ADGRL3: variants seen among roughly 807,000 people sequenced by gnomAD.
The protein encoded by ADGRL3 is calcium-independent alpha-latrotoxin receptor 3.
Under a neutral mutation model 153.5 loss-of-function variants are expected in ADGRL3, and 62 were observed. The ratio of observed to expected loss-of-function variants is 0.40; its 90% confidence interval spans 0.33 to 0.50. The LOEUF (loss-of-function observed/expected upper bound fraction) is 0.50, where lower values mean the gene tolerates loss of function less well. ADGRL3 is among the 20% of genes least tolerant of loss of function. The probability of loss-of-function intolerance (pLI) is 0.47; values close to 1 mark genes in which losing one functional copy is unlikely to be tolerated. For synonymous variants in ADGRL3, 710 were observed against 672.5 expected, an observed-to-expected ratio of 1.06 and a Z score of -0.86; for missense variants, 1,641 against 1,859.4, an observed-to-expected ratio of 0.88 and a Z score of 2.16.
At chr4:61,241,639 C>T (rs765770417) in intron 1 of ADGRL3, among the ~76,000 whole-genome samples, 1 of 151,906 alleles carries the variant, frequency 6.6e-6, no homozygotes, top group Non-Finnish European at 1.5e-5. Context: ...ACGTATATCC[C>T]TTTTTAATCT....
intron 6 of ADGRL3, among the ~76,000 whole-genome samples, chr4:61,715,110 C>A (rs2096080410): frequency 6.6e-6 from 1 of 152,070 alleles, no homozygotes; most frequent in African/African-American, 2.4e-5. Flanking sequence ...ATATTATCTA[C>A]CTTCTTAAAG....
rs35245648 is a variant in ADGRL3 at position 61,537,171 on chromosome 4, AT to A, written c.259+19666del. The stretch of plus-strand genomic sequence containing the variant: ...GACAGATTTGAAATTCTTGCCTTGC[AT>A]TTTTTTTTTTTTAATTTAGGTAGTC... On this transcript the variant is annotated intron_variant, in intron 4 of 26. Coordinates refer to ENST00000683033, the MANE Select transcript of ADGRL3 (RefSeq NM_001387552.1). 9.0e-3 allele frequency among the ~76,000 whole-genome samples: 1,324 copies of A among 146,566 alleles called. 9 individuals carry two copies. Among genetic ancestry groups the A allele is most frequent in the African/African-American group, 0.013 (532 of 40,062 alleles).
At chr4:61,882,787 A>G (rs977483330) in intron 9 of ADGRL3, among the ~76,000 whole-genome samples, 5 of 152,294 alleles carry the variant, frequency 3.3e-5, no homozygotes, top group Admixed American at 3.3e-4. Flanking sequence ...TGTCATCTTA[A>G]CAGTCAGGCT....
chr4:61,291,175 T>TACACACACAC (rs68037459), intron 1 of ADGRL3, among the ~76,000 whole-genome samples: 8 of 135,360 alleles, frequency 5.9e-5, no homozygotes, highest in African/African-American at 8.7e-5. Flanking sequence ...CCTGGATCAA[T>TACACACACAC]ACACACACAC....
chr4:61,777,817 T>A (rs545776238), intron 8 of ADGRL3, among the ~76,000 whole-genome samples: 2 of 152,316 alleles, frequency 1.3e-5, no homozygotes, highest in East Asian at 3.9e-4. Context: ...AAGTTTTGAG[T>A]ATCGCTAGGG....
At chr4:61,499,850 T>G (rs557732234) in intron 3 of ADGRL3, among the ~76,000 whole-genome samples, 3 of 152,278 alleles carry the variant, frequency 2.0e-5, no homozygotes, top group Admixed American at 6.5e-5. Context: ...GAAAGATTCC[T>G]TTTTCAGAAC....
At chr4:61,508,566 T>C (rs1274827845) in intron 3 of ADGRL3, among the ~76,000 whole-genome samples, 4 of 152,216 alleles carry the variant, frequency 2.6e-5, no homozygotes, top group Admixed American at 2.0e-4. Flanking sequence ...CCTCATGTCA[T>C]CTGTTAAGTT....
chr4:61,758,130 A>C (rs1234035242), intron 8 of ADGRL3, among the ~76,000 whole-genome samples: 1 of 152,176 alleles, frequency 6.6e-6, no homozygotes, highest in Non-Finnish European at 1.5e-5. Context: ...GTAGATGTCT[A>C]TTAGGTGCAG....
chr4:61,934,833 C>T lies in ADGRL3; in HGVS notation c.2113-7C>T, dbSNP rs1395731788. The T allele has an allele frequency of 2.5e-6, 4 of 1,611,780 alleles. No individual in the cohort carries two copies. Among genetic ancestry groups the T allele is most frequent in the African/African-American group, 1.3e-5 (1 of 74,872 alleles). On this transcript the variant is annotated splice_region_variant and splice_polypyrimidine_tract_variant and intron_variant, in intron 13 of 26. Transcript: ENST00000683033. Reference sequence around the variant, plus strand: ...AGACCTCTGTCATTCTTTTCATCCTCTTGTAGGCAATGGTCGAGACAGTTA... The same window carrying T: ...AGACCTCTGTCATTCTTTTCATCCTTTTGTAGGCAATGGTCGAGACAGTTA...
At chr4:61,827,858 G>C (rs73203790) in intron 9 of ADGRL3, among the ~76,000 whole-genome samples, 1 of 151,970 alleles carries the variant, frequency 6.6e-6, no homozygotes, top group Non-Finnish European at 1.5e-5. Context: ...TACATGTAGC[G>C]TGAAACATGA....
chr4:61,746,056 T>A (rs2096655601), intron 8 of ADGRL3, among the ~76,000 whole-genome samples: 1 of 152,094 alleles, frequency 6.6e-6, no homozygotes, highest in African/African-American at 2.4e-5. Context: ...GGGGTTGCAA[T>A]CCTAGTCTCT....
chr4:61,510,897 A>G (rs1459408535), intron 3 of ADGRL3, among the ~76,000 whole-genome samples: 1 of 152,094 alleles, frequency 6.6e-6, no homozygotes, highest in African/African-American at 2.4e-5. Flanking sequence ...ATCCACGTGT[A>G]TGGAATGTTT....
rs113009999 is a variant in ADGRL3, at chr4:61,408,414, C to CT, written c.-174+25238dup. Among the ~76,000 whole-genome samples the CT allele has an allele frequency of 3.8e-3, 548 of 142,370 alleles. 1 individual carries two copies. Among genetic ancestry groups the CT allele is most frequent in the African/African-American group, 0.011 (431 of 39,240 alleles). The allele number at this position is 142,370 out of a possible 152,430, so 93.4% of individuals were successfully genotyped here. A position where few individuals can be genotyped will look rare whatever the true frequency, so the allele number is the denominator to read the frequency against. On this transcript the variant is annotated intron_variant, in intron 2 of 26. Transcript: ENST00000683033. The stretch of plus-strand genomic sequence containing the variant: ...GCCCATGGGGGTATTAGCTGCTGTC[C>CT]TTTTTTTTTTTTTCCTGCTCTGCTC...
Position 61,611,084 on chromosome 4 carries a change from C to T in ADGRL3, c.473+23644C>T, listed in dbSNP as rs2091281761. Reference sequence around the variant, plus strand: ...ACCCTAAAATTTCGGTTGCTTAACACATAGAAATTTATTGTTTGTCCATAT... The same window carrying T: ...ACCCTAAAATTTCGGTTGCTTAACATATAGAAATTTATTGTTTGTCCATAT... On this transcript the variant is annotated intron_variant, in intron 5 of 26. Coordinates refer to ENST00000683033, the MANE Select transcript of ADGRL3 (RefSeq NM_001387552.1). 2.0e-5 allele frequency among the ~76,000 whole-genome samples: 3 copies of T among 152,214 alleles called. No homozygotes were observed. The South Asian group carries it at 6.2e-4, about 32-fold the overall frequency.
chr4:61,501,961 A>G (rs924016234), intron 3 of ADGRL3, among the ~76,000 whole-genome samples: 1 of 152,142 alleles, frequency 6.6e-6, no homozygotes, highest in Non-Finnish European at 1.5e-5. Flanking sequence ...CTGTAGAGCC[A>G]TAATATCCTT....
At chr4:61,591,719 A>G (rs2098970132) in intron 5 of ADGRL3, among the ~76,000 whole-genome samples, 2 of 151,952 alleles carry the variant, frequency 1.3e-5, no homozygotes, top group African/African-American at 2.4e-5. Flanking sequence ...GGAGCGATCT[A>G]AGTTTTGTTT....
chr4:61,220,228 T>C (rs1051689334), intron 1 of ADGRL3, among the ~76,000 whole-genome samples: 4 of 152,192 alleles, frequency 2.6e-5, no homozygotes, highest in Non-Finnish European at 5.9e-5. Context: ...TTTGATTTTT[T>C]TCGAAGGTAG....
At chr4:61,767,196 G>A (rs1157838137) in intron 8 of ADGRL3, among the ~76,000 whole-genome samples, 2 of 152,042 alleles carry the variant, frequency 1.3e-5, no homozygotes, top group African/African-American at 2.4e-5. Context: ...GGATTGGGAA[G>A]AAGAGCAGCA....
intron 5 of ADGRL3, among the ~76,000 whole-genome samples, chr4:61,627,488 G>A (rs1241565523): frequency 1.3e-5 from 2 of 152,100 alleles, no homozygotes; most frequent in Non-Finnish European, 2.9e-5. Flanking sequence ...GGGCATGGTG[G>A]CGGGTGCCTG....
Sources: allele counts gnomAD v4.1 joint callset (sites outside exome capture counted in the v4.1 genomes callset), GRCh38; gene constraint gnomAD v4.1.1; transcripts MANE v1.5; gene names NCBI Gene and HGNC (gene_info 2026-07-23, HGNC 2026-07-21).